ASTN2: variants seen among roughly 807,000 people sequenced by gnomAD.
ASTN2 encodes astrotactin-2.
A neutral mutation model predicts 139.8 loss-of-function variants in ASTN2; 54 were observed. The ratio of observed to expected loss-of-function variants is 0.39; its 90% CI spans 0.31 to 0.48. The LOEUF (loss-of-function observed/expected upper bound fraction) is 0.48, where lower values mean the gene tolerates loss of function less well. Among genes scored for constraint, ASTN2 ranks in the 20% least tolerant of loss-of-function variants. The probability of loss-of-function intolerance (pLI) is 0.95; values close to 1 mark genes in which losing one functional copy is unlikely to be tolerated. For synonymous variants in ASTN2, 756 were observed against 719.5 expected (o/e 1.05, Z -0.81); for missense variants, 1,565 against 1,725.1 (o/e 0.91, Z 1.64).
intron 10 of ASTN2, among the ~76,000 whole-genome samples, chr9:116,955,108 T>C (rs1835673747): frequency 6.6e-6 from 1 of 152,220 alleles, no homozygotes; most frequent in Non-Finnish European, 1.5e-5. Flanking sequence ...TATTGAAATA[T>C]TGGCTTTTTC....
At chr9:116,565,636 CCTGG>C (rs1853195150) in intron 19 of ASTN2, among the ~76,000 whole-genome samples, 1 of 148,604 alleles carries the variant, frequency 6.7e-6, no homozygotes, top group African/African-American at 2.5e-5. Flanking sequence ...CACCATGTGG[CCTGG>C]CTATTTTTTT....
chr9:116,792,991 T>G (rs979114261), intron 13 of ASTN2, among the ~76,000 whole-genome samples: 4 of 152,066 alleles, frequency 2.6e-5, no homozygotes, highest in East Asian at 1.9e-4. Flanking sequence ...AACTGAATAT[T>G]GGGTACTATG....
At chr9:117,351,526 C>A (rs1246317006) in intron 1 of ASTN2, among the ~76,000 whole-genome samples, 4 of 152,122 alleles carry the variant, frequency 2.6e-5, no homozygotes, top group Non-Finnish European at 4.4e-5. Context: ...TATCACTGCC[C>A]CCAGGAAACC....
chr9:116,882,234 T>C (rs978899212), intron 10 of ASTN2, among the ~76,000 whole-genome samples: 10 of 152,134 alleles, frequency 6.6e-5, no homozygotes, highest in Non-Finnish European at 1.3e-4. Flanking sequence ...AGAAAAGACA[T>C]GGCAGAAAGA....
At chr9:116,543,274 C>CAAA (rs35600712) in intron 19 of ASTN2, among the ~76,000 whole-genome samples, 267 of 145,238 alleles carry the variant, frequency 1.8e-3, no homozygotes, top group African/African-American at 6.3e-3. Context: ...ATGAAAACTA[C>CAAA]AAAAAAAAAA....
chr9:117,263,391 G>A (rs1483803880), intron 2 of ASTN2, among the ~76,000 whole-genome samples: 1 of 152,144 alleles, frequency 6.6e-6, no homozygotes, highest in Non-Finnish European at 1.5e-5. Context: ...CCTTTAGCCA[G>A]TTTGAGTTGG....
At chr9:117,086,661 T>G (rs1312439887) in intron 5 of ASTN2, among the ~76,000 whole-genome samples, 1 of 152,164 alleles carries the variant, frequency 6.6e-6, no homozygotes, top group East Asian at 1.9e-4. Flanking sequence ...TTCCTCCTCC[T>G]GTCCCTCACC....
At chr9:116,975,487 G>T in intron 9 of ASTN2, 142 bp from the exon 10 acceptor site, 1 of 794,580 alleles carries the variant, frequency 1.3e-6, no homozygotes, top group Non-Finnish European at 1.8e-6. Context: ...AACAATGTTG[G>T]CCAACTTTCT....
intron 17 of ASTN2, among the ~76,000 whole-genome samples, chr9:116,630,588 T>C (rs770078565): frequency 6.6e-6 from 1 of 152,126 alleles, no homozygotes; most frequent in Non-Finnish European, 1.5e-5. Flanking sequence ...CCCAAGTCCT[T>C]CTTTGCGACA....
At chr9:116,751,938 AT>A (rs1447821522) in intron 13 of ASTN2, among the ~76,000 whole-genome samples, 1 of 152,196 alleles carries the variant, frequency 6.6e-6, no homozygotes, top group Non-Finnish European at 1.5e-5. Flanking sequence ...TGATCTATAG[AT>A]TCAGTGCAAT....
At chr9:116,935,689 C>T (rs377649603) in intron 10 of ASTN2, among the ~76,000 whole-genome samples, 4 of 152,194 alleles carry the variant, frequency 2.6e-5, no homozygotes, top group South Asian at 2.1e-4. Context: ...AGGCAACTTA[C>T]GTCACCTCTC....
chr9:117,338,756 T>C (rs1828972935), intron 1 of ASTN2, among the ~76,000 whole-genome samples: 1 of 152,122 alleles, frequency 6.6e-6, no homozygotes, highest in African/African-American at 2.4e-5. Context: ...CCATTATCTT[T>C]TTTTTTGCCA....
intron 17 of ASTN2, among the ~76,000 whole-genome samples, chr9:116,623,147 CTGTGTGTGTGTGTG>C (rs10527124): frequency 0.023 from 3,115 of 137,174 alleles, 49 homozygotes; most frequent in African/African-American, 0.043. Context: ...AGAGCATACT[CTGTGTGTGTGTGTG>C]TGTGTGTGTG....
chr9:116,653,654 C>T (rs546075238), intron 16 of ASTN2, among the ~76,000 whole-genome samples: 2 of 152,298 alleles, frequency 1.3e-5, no homozygotes, highest in Admixed American at 6.5e-5. Context: ...GGCCCTGCGC[C>T]CTGATGTCGG....
At chr9:116,674,687 A>G (rs944225904) in intron 16 of ASTN2, among the ~76,000 whole-genome samples, 1 of 152,116 alleles carries the variant, frequency 6.6e-6, no homozygotes, top group South Asian at 2.1e-4. Flanking sequence ...TCCTATAACT[A>G]TATCTTTATA....
chr9:116,458,098 C>T (rs1848384959), intron 20 of ASTN2, among the ~76,000 whole-genome samples: 1 of 151,170 alleles, frequency 6.6e-6, no homozygotes, highest in Admixed American at 6.6e-5. Context: ...AAGCCAGGCA[C>T]AGAAAGACAA....
At chr9:116,757,396 G>C (rs1393072921) in intron 13 of ASTN2, among the ~76,000 whole-genome samples, 1 of 152,150 alleles carries the variant, frequency 6.6e-6, no homozygotes, top group Non-Finnish European at 1.5e-5. Flanking sequence ...CTGGGATCAC[G>C]GTGGGCATGG....
At chr9:117,263,202 T>C (rs1265831802) in intron 2 of ASTN2, among the ~76,000 whole-genome samples, 1 of 152,168 alleles carries the variant, frequency 6.6e-6, no homozygotes, top group Admixed American at 6.5e-5. Flanking sequence ...TTCTCTCTTT[T>C]TCCCTAATGA....
intron 19 of ASTN2, chr9:116,568,707 A>G (rs1390478850): frequency 6.6e-6 from 1 of 152,234 alleles, no homozygotes; most frequent in Admixed American, 6.6e-5. Flanking sequence ...ACATATATTC[A>G]GTTCAGGTTT....
Sources: gnomAD v4.1 joint callset for allele counts (sites outside exome capture counted in the v4.1 genomes callset) on GRCh38, gnomAD v4.1.1 for gene constraint, MANE v1.5 for transcripts, NCBI Gene and HGNC (gene_info 2026-07-23, HGNC 2026-07-21) for gene names.